Variants in RBMS2 observed in about 807,000 individuals in gnomAD.
RBMS2 encodes RNA-binding motif, single-stranded-interacting protein 2.
In RBMS2, 38 loss-of-function variants were observed where a neutral mutation model predicts 58.4. That is an observed-to-expected ratio of 0.65 (90% CI 0.50 to 0.85). RBMS2 has a LOEUF of 0.85. Ranked by LOEUF, RBMS2 falls within the 40% of genes least tolerant of loss-of-function variation. RBMS2 has a pLI of 0.00. For synonymous variants in RBMS2, 151 were observed against 180.7 expected (o/e 0.84, Z 1.32); for missense variants, 367 against 503.7 (o/e 0.73, Z 2.60).
chr12:56,572,039 A>C (rs747679798), intron 5 of RBMS2, among the ~76,000 whole-genome samples, 184 bp downstream of exon 5: 1 of 152,176 alleles, frequency 6.6e-6, no homozygotes, highest in African/African-American at 2.4e-5. Flanking sequence ...CTGTAATCCC[A>C]GCACTTTAGG....
intron 9 of RBMS2, among the ~76,000 whole-genome samples, chr12:56,585,111 C>A (rs984174608): frequency 6.6e-6 from 1 of 152,236 alleles, no homozygotes; most frequent in African/African-American, 2.4e-5. Context: ...GCGTGAGCCA[C>A]TGCGCCCGGC....
intron 1 of RBMS2, among the ~76,000 whole-genome samples, chr12:56,527,650 A>G (rs113774240): frequency 1.3e-5 from 2 of 152,102 alleles, no homozygotes; most frequent in South Asian, 4.2e-4. Context: ...AAAACAAAAA[A>G]AAAACTTTAA....
At chr12:56,527,602 G>A (rs189105071) in intron 1 of RBMS2, among the ~76,000 whole-genome samples, 3 of 151,824 alleles carry the variant, frequency 2.0e-5, no homozygotes, top group East Asian at 3.9e-4. Flanking sequence ...CGACAACAGC[G>A]AGACTCCATC....
At chr12:56,560,404 A>G (rs938699117) in intron 1 of RBMS2, among the ~76,000 whole-genome samples, 1 of 151,566 alleles carries the variant, frequency 6.6e-6, no homozygotes, top group South Asian at 2.1e-4. Context: ...CTACAGGTGC[A>G]TGCCACCACA....
intron 2 of RBMS2, among the ~76,000 whole-genome samples, chr12:56,567,256 G>T (rs1881499727): frequency 6.6e-6 from 1 of 150,958 alleles, no homozygotes; most frequent in Non-Finnish European, 1.5e-5. Flanking sequence ...GTGGTGGCAG[G>T]CGCCTGTAAT....
At chr12:56,528,342 G>A (rs929812727) in intron 1 of RBMS2, among the ~76,000 whole-genome samples, 10 of 152,062 alleles carry the variant, frequency 6.6e-5, no homozygotes, top group Non-Finnish European at 1.0e-4. Flanking sequence ...TTAGTGTAAA[G>A]GTGGTTGATG....
intron 9 of RBMS2, among the ~76,000 whole-genome samples, chr12:56,585,495 A>AT (rs908039028): frequency 1.3e-5 from 2 of 152,152 alleles, no homozygotes; most frequent in Non-Finnish European, 2.9e-5. Flanking sequence ...ATACAATATG[A>AT]TTTTTTTGCG....
chr12:56,541,454 A>G (rs1316314976), intron 1 of RBMS2, among the ~76,000 whole-genome samples: 1 of 152,078 alleles, frequency 6.6e-6, no homozygotes, highest in Admixed American at 6.6e-5. Flanking sequence ...TCAATTACCA[A>G]AAATAATATT....
chr12:56,526,247 C>T (rs1225138555), intron 1 of RBMS2, among the ~76,000 whole-genome samples: 2 of 151,952 alleles, frequency 1.3e-5, no homozygotes, highest in Non-Finnish European at 2.9e-5. Context: ...GTGGATGTTG[C>T]AGTGAGCCGA....
intron 4 of RBMS2, among the ~76,000 whole-genome samples, chr12:56,570,405 C>T (rs1053481975): frequency 8.5e-5 from 13 of 152,102 alleles, no homozygotes; most frequent in African/African-American, 3.1e-4. Context: ...GTTCCCCATA[C>T]GGGCTGGGTA....
At chr12:56,581,575 T>A (rs927367807) in intron 7 of RBMS2, 67 bp downstream of exon 7, 2 of 1,479,640 alleles carry the variant, frequency 1.4e-6, no homozygotes, top group Non-Finnish European at 1.9e-6. Context: ...GATCATGGCA[T>A]GATTTCTGTG....
chr12:56,590,034 C>T lies in RBMS2; in HGVS notation c.*901C>T, dbSNP rs572446028. On this transcript the variant is annotated 3_prime_UTR_variant, in exon 14 of 14. Transcript: ENST00000262031. ...ACAACTCCACAGCCCTGGGAACACA[C>T]CCTTGAGCCAAACTTGGTTGAAGAC... 2.0e-5 allele frequency: 3 copies of T among 152,310 alleles called. No homozygotes were observed. In the South Asian group the frequency reaches 6.2e-4, roughly 32 times the overall value. 9.4% of individuals were successfully genotyped at this position (152,310 alleles called of 1,614,324 possible).
chr12:56,553,937 G>A (rs1878771995), intron 1 of RBMS2, among the ~76,000 whole-genome samples: 1 of 149,922 alleles, frequency 6.7e-6, no homozygotes, highest in African/African-American at 2.5e-5. Context: ...CGATTCTCCT[G>A]CCCCAGCCTC....
At chr12:56,521,558 T>A (rs1871734144), upstream of RBMS2, among the ~76,000 whole-genome samples, 1 of 141,792 alleles carries the variant, frequency 7.1e-6, no homozygotes, top group South Asian at 2.3e-4. Context: ...AGGAGCCCCT[T>A]TAAAATCAAG....
Position 56,589,231 on chromosome 12 carries a change from T to C in RBMS2, c.*98T>C. The C allele has an allele frequency of 4.0e-6, 6 of 1,492,216 alleles. No homozygotes were observed. In the South Asian group the frequency reaches 6.0e-5, roughly 15 times the overall value. 92.4% of individuals were successfully genotyped at this position (1,492,216 alleles called of 1,614,324 possible). ...GAGGGTTAACCAGGAATGGAGACCATCCGTCGGCCCTGCTAAGGACTAACA... is the reference window on the plus strand; with the variant it reads ...GAGGGTTAACCAGGAATGGAGACCACCCGTCGGCCCTGCTAAGGACTAACA... On this transcript the variant is annotated 3_prime_UTR_variant, in exon 14 of 14. Coordinates refer to ENST00000262031, the MANE Select transcript of RBMS2 (RefSeq NM_002898.4).
chr12:56,552,378 G>A (rs925719577), intron 1 of RBMS2, among the ~76,000 whole-genome samples: 1 of 152,194 alleles, frequency 6.6e-6, no homozygotes, highest in African/African-American at 2.4e-5. Flanking sequence ...AAAGCAGGAT[G>A]CTAGGGAACA....
rs186275921 is a variant in RBMS2 at position 56,553,298 on chromosome 12, T to C, written c.67-9119T>C. ...TCTTGAGTAGCTGGGACTGCAGCCA[T>C]GCACCATCATGCCTGGCTAATTTTT... On this transcript the variant is annotated intron_variant, in intron 1 of 13. Transcript: ENST00000262031. 2.2e-3 allele frequency among the ~76,000 whole-genome samples: 328 copies of C among 151,938 alleles called. 1 individual carries two copies. The highest frequency in any genetic ancestry group is 0.014 in the Middle Eastern group (4 of 294).
rs773073425 is a variant in RBMS2, at chr12:56,586,891, T to C, written c.916T>C (p.Trp306Arg). 1.5e-5 allele frequency: 24 copies of C among 1,613,946 alleles called. No individual in the cohort carries two copies. The highest frequency in any genetic ancestry group is 2.0e-5 in the Non-Finnish European group (24 of 1,179,912). The change falls in exon 10 of 14, where the codon TGG becomes CGG. Residue 306 changes from tryptophan to arginine, a missense_variant. By Grantham distance (101) the Trp-to-Arg change is moderately radical. Transcript: ENST00000262031. The stretch of plus-strand genomic sequence containing the variant: ...TCCTCTACAAGTACCTAACCCATCC[T>C]GGATGCACCACCATTCATACCTCAT... ...TSPLQVPNPS[W>R]MHHHSYLMQP...
At chr12:56,543,116 T>A in intron 1 of RBMS2, among the ~76,000 whole-genome samples, 1 of 152,032 alleles carries the variant, frequency 6.6e-6, no homozygotes, top group Non-Finnish European at 1.5e-5. Flanking sequence ...TCAATGATTC[T>A]CCTGCCTTGG....
Sources: allele counts gnomAD v4.1 joint callset (sites outside exome capture counted in the v4.1 genomes callset), GRCh38; gene constraint gnomAD v4.1.1; transcripts MANE v1.5; gene names NCBI Gene and HGNC (gene_info 2026-07-23, HGNC 2026-07-21).